Variants in COL21A1 observed in about 807,000 individuals in gnomAD.
COL21A1 encodes collagen alpha-1(XXI) chain.
COL21A1 carries 149 observed loss-of-function variants against 137.9 expected under a neutral mutation model. The observed-to-expected ratio is 1.08, with a 90% CI of 0.95 to 1.24. The LOEUF is 1.24. COL21A1 is among the 50% of genes most tolerant of loss of function. COL21A1 has a pLI of 0.00. For missense variants in COL21A1, 1,167 were observed against 1,158.4 expected (o/e 1.01, Z -0.11); for synonymous variants, 456 against 391.5 (o/e 1.16, Z -1.95).
intron 1 of COL21A1, among the ~76,000 whole-genome samples, chr6:56,259,319 A>T (rs955322653): frequency 1.3e-5 from 2 of 151,714 alleles, no homozygotes; most frequent in East Asian, 1.9e-4. Context: ...AGTGCCTTCC[A>T]CTCCCTCCAT....
intron 1 of COL21A1, among the ~76,000 whole-genome samples, chr6:56,193,164 C>G (rs559174766): frequency 6.6e-6 from 1 of 152,036 alleles, no homozygotes; most frequent in East Asian, 1.9e-4. Context: ...CAGGGCCTGT[C>G]AGGGGGTGGG....
At chr6:56,376,634 C>G (rs968680059) in intron 1 of COL21A1, among the ~76,000 whole-genome samples, 8 of 143,990 alleles carry the variant, frequency 5.6e-5, no homozygotes, top group Non-Finnish European at 9.1e-5. Context: ...CTAGACAAAT[C>G]TTTTAGAGAT....
At chr6:56,280,253 C>T (rs530452966) in intron 1 of COL21A1, among the ~76,000 whole-genome samples, 1 of 152,278 alleles carries the variant, frequency 6.6e-6, no homozygotes, top group South Asian at 2.1e-4. Context: ...AATATCATTC[C>T]TTCAACAAGT....
At chr6:56,122,549 T>G (rs1294818642) in intron 16 of COL21A1, among the ~76,000 whole-genome samples, 1 of 152,204 alleles carries the variant, frequency 6.6e-6, no homozygotes, top group Non-Finnish European at 1.5e-5. Flanking sequence ...AAATTGACTC[T>G]AATGAGGTTT....
intron 1 of COL21A1, among the ~76,000 whole-genome samples, chr6:56,211,494 C>T (rs1780174852): frequency 1.3e-5 from 2 of 151,898 alleles, no homozygotes; most frequent in African/African-American, 4.8e-5. Context: ...GCATTATTCT[C>T]ACAGAGCATG....
chr6:56,130,183 A>ATT (rs1225329293), intron 12 of COL21A1, among the ~76,000 whole-genome samples: 39 of 23,860 alleles, frequency 1.6e-3, no homozygotes, highest in African/African-American at 5.1e-3. Context: ...ATATATATAT[A>ATT]TATATATATA....
intron 1 of COL21A1, among the ~76,000 whole-genome samples, chr6:56,292,964 T>G (rs955631049): frequency 1.3e-5 from 2 of 152,202 alleles, no homozygotes; most frequent in Non-Finnish European, 2.9e-5. Context: ...TATATACATA[T>G]GTATTCAATT....
At chr6:56,109,910 G>A (rs372005044) in intron 16 of COL21A1, among the ~76,000 whole-genome samples, 266 of 152,050 alleles carry the variant, frequency 1.7e-3, no homozygotes, top group African/African-American at 6.1e-3. Flanking sequence ...GGCCCAGAGG[G>A]TTTCACTGGT....
intron 1 of COL21A1, among the ~76,000 whole-genome samples, chr6:56,376,338 C>T (rs756210803): frequency 5.9e-5 from 9 of 151,860 alleles, no homozygotes; most frequent in East Asian, 1.9e-4. Context: ...GAAGAGAAAA[C>T]GGAGGAAGAG....
At chr6:56,232,116 G>A (rs757509013) in intron 1 of COL21A1, among the ~76,000 whole-genome samples, 5 of 151,742 alleles carry the variant, frequency 3.3e-5, no homozygotes, top group African/African-American at 7.3e-5. Context: ...TGGAGAGTTG[G>A]GAAAGACATA....
intron 1 of COL21A1, among the ~76,000 whole-genome samples, chr6:56,275,411 T>C (rs985586997): frequency 1.3e-5 from 2 of 151,904 alleles, no homozygotes; most frequent in African/African-American, 2.4e-5. Flanking sequence ...AAATGATCAA[T>C]AGAATAAACA....
chr6:56,150,860 G>C (rs1775264015), intron 10 of COL21A1, among the ~76,000 whole-genome samples: 1 of 152,134 alleles, frequency 6.6e-6, no homozygotes, highest in African/African-American at 2.4e-5. Context: ...GCTCAGCAAA[G>C]AGTAAAACAA....
At chr6:56,130,778 A>T (rs920290296) in intron 12 of COL21A1, among the ~76,000 whole-genome samples, 1 of 152,194 alleles carries the variant, frequency 6.6e-6, no homozygotes, top group African/African-American at 2.4e-5. Flanking sequence ...AGAAAGAAGG[A>T]GAGAGCGAGC....
chr6:56,368,709 G>A (rs981910153), intron 1 of COL21A1, among the ~76,000 whole-genome samples: 6 of 152,118 alleles, frequency 3.9e-5, no homozygotes, highest in South Asian at 2.1e-4. Flanking sequence ...TCTTGGGAAC[G>A]AAGCTTCAAG....
At position 56,097,788 on chromosome 6, in the gene COL21A1, T is replaced by A. The variant is rs1023820361; in HGVS notation, c.1812+3684A>T. On this transcript the variant is annotated intron_variant, in intron 17 of 29. Transcript: ENST00000244728. ...ATAAATATATATAAATATATAAAAA[T>A]ATATATATAAATCTATATAAATATA... 1.5e-4 allele frequency among the ~76,000 whole-genome samples: 17 copies of A among 112,028 alleles called. 2 individuals are homozygous for A. Among genetic ancestry groups the A allele is most frequent in the African/African-American group, 2.6e-4 (8 of 30,400 alleles). 73.5% of individuals were successfully genotyped at this position (112,028 alleles called of 152,430 possible).
Position 56,060,046 on chromosome 6 carries a change from A to G in COL21A1, c.2580T>C (p.Pro860=). The change falls in exon 28 of 30, where the codon CCT becomes CCC. Residue 860 remains proline (P), a synonymous_variant. Transcript: ENST00000244728. ...RDGVPGLVGV[P]GRPGVRGLKG... ...TTAATCCTCTGACACCTGGACGTCCAGGGACACCCACTAATCCAGGAACAC... is the reference window on the plus strand; with the variant it reads ...TTAATCCTCTGACACCTGGACGTCCGGGGACACCCACTAATCCAGGAACAC... 6.2e-7 allele frequency: 1 copy of G among 1,607,012 alleles called. No homozygotes were observed. Among genetic ancestry groups the G allele is most frequent in the South Asian group, 1.1e-5 (1 of 89,814 alleles).
intron 17 of COL21A1, among the ~76,000 whole-genome samples, chr6:56,090,343 T>C (rs554905650): frequency 2.0e-5 from 3 of 152,368 alleles, no homozygotes; most frequent in Non-Finnish European, 4.4e-5. Context: ...TGTTTGATGG[T>C]AGTCCAGTTT....
At chr6:56,244,648 G>A (rs904904107) in intron 1 of COL21A1, among the ~76,000 whole-genome samples, 7 of 152,036 alleles carry the variant, frequency 4.6e-5, no homozygotes, top group Admixed American at 2.6e-4. Context: ...CTTAGATGCC[G>A]GAACTTGCTT....
chr6:56,058,178 CA>C (rs1765492579), intron 29 of COL21A1, among the ~76,000 whole-genome samples: 1 of 151,914 alleles, frequency 6.6e-6, no homozygotes, highest in South Asian at 2.1e-4. Flanking sequence ...TATCTTTTAC[CA>C]ATATTATTAT....
Sources: allele counts gnomAD v4.1 joint callset (sites outside exome capture counted in the v4.1 genomes callset), GRCh38; gene constraint gnomAD v4.1.1; transcripts MANE v1.5; gene names NCBI Gene and HGNC (gene_info 2026-07-23, HGNC 2026-07-21).